RNF141: variants seen among roughly 807,000 people sequenced by gnomAD.
RNF141 encodes ring finger protein 141, also known as C3HC4-like zinc finger protein.
RNF141 carries 18 observed loss-of-function variants against 27.4 expected under a neutral mutation model. The ratio of observed to expected loss-of-function variants is 0.66; its 90% CI spans 0.45 to 0.97. The LOEUF is 0.97. Among genes scored for constraint, RNF141 ranks in the 50% least tolerant of loss-of-function variants. The pLI, the probability that RNF141 is intolerant of heterozygous loss-of-function variation, is 0.00. For synonymous variants in RNF141, 97 were observed against 96.6 expected, an observed-to-expected ratio of 1.00 and a Z score of -0.02; for missense variants, 230 against 279.4, an observed-to-expected ratio of 0.82 and a Z score of 1.26.
intron 5 of RNF141, chr11:10,515,303 C>T (rs1046110248): frequency 4.1e-6 from 2 of 489,774 alleles, no homozygotes; most frequent in African/African-American, 4.0e-5. Context: ...CTTATGTGTA[C>T]ACACATGCAC....
intron 3 of RNF141, among the ~76,000 whole-genome samples, chr11:10,525,748 A>G (rs1323803200): frequency 6.6e-6 from 1 of 152,228 alleles, no homozygotes; most frequent in African/African-American, 2.4e-5. Flanking sequence ...TTTGACTCCA[A>G]CAACCGCATG....
intron 3 of RNF141, among the ~76,000 whole-genome samples, chr11:10,527,911 T>TA (rs1849951945): frequency 6.6e-6 from 1 of 152,152 alleles, no homozygotes; most frequent in Non-Finnish European, 1.5e-5. Flanking sequence ...AGGACTCACT[T>TA]ACAGATTGTC....
In RNF141 at chr11:10,525,236, G is replaced by C. The variant is rs200448268; in HGVS notation, c.390C>G (p.Asn130Lys). The C allele has an allele frequency of 1.8e-5, 29 of 1,612,464 alleles. No homozygotes were observed. Among genetic ancestry groups the C allele is most frequent in the Non-Finnish European group, 2.3e-5 (27 of 1,179,332 alleles). The change falls in exon 4 of 6, where the codon AAC (asparagine) becomes AAG (lysine). Residue 130 changes from asparagine to lysine, a missense_variant. Asn to Lys is a moderately conservative substitution (Grantham distance 94). Coordinates refer to ENST00000265981, the MANE Select transcript of RNF141 (RefSeq NM_016422.4). ...QSSTSEEPDE[N>K]SSSVTSCQAS... is the part of the protein sequence containing the mutation. ...CCTGACAAGATGTTACAGAGGATGAGTTTTCATCAGGTTCTTCAGAGGTGG... is the reference window on the plus strand; with the variant it reads ...CCTGACAAGATGTTACAGAGGATGACTTTTCATCAGGTTCTTCAGAGGTGG...
chr11:10,539,594 T>G (rs1202414076), intron 1 of RNF141, among the ~76,000 whole-genome samples: 2 of 139,348 alleles, frequency 1.4e-5, no homozygotes, highest in Non-Finnish European at 3.1e-5. Context: ...CAAGACAAGT[T>G]AATATAGATA....
At chr11:10,519,603 C>T (rs560412562) in intron 4 of RNF141, among the ~76,000 whole-genome samples, 1 of 141,364 alleles carries the variant, frequency 7.1e-6, no homozygotes, top group Non-Finnish European at 1.6e-5. Flanking sequence ...CTACTACATA[C>T]CTAGGCTATA....
At position 10,512,336 on chromosome 11, in the gene RNF141, C is replaced by A. The variant is rs867690595; in HGVS notation, c.*2580G>T. 6 of 152,614 alleles carry A rather than the reference C, an allele frequency of 3.9e-5. No individual in the cohort carries two copies. Among genetic ancestry groups the A allele is most frequent in the Admixed American group, 3.3e-4 (5 of 15,276 alleles). The allele number at this position is 152,614 out of a possible 1,614,324, so 9.5% of individuals were successfully genotyped here. A position where few individuals can be genotyped will look rare whatever the true frequency, so the allele number is the denominator to read the frequency against. ...ATAATTATCACCCAGTTCAATAGAG[C>A]GAACAAAGAGCTGTGCTCATTTATT... On this transcript the variant is annotated 3_prime_UTR_variant, in exon 6 of 6. Transcript: ENST00000265981.
intron 3 of RNF141, 49 bp downstream of exon 3, chr11:10,530,594 G>C: frequency 9.8e-7 from 1 of 1,021,284 alleles, no homozygotes; most frequent in African/African-American, 1.6e-5. Context: ...TATAGTTCTA[G>C]CCACCAAAAT....
chr11:10,521,794 T>C (rs1242094592), intron 4 of RNF141, among the ~76,000 whole-genome samples: 3 of 152,220 alleles, frequency 2.0e-5, no homozygotes, highest in African/African-American at 7.2e-5. Flanking sequence ...TTTATGTCTG[T>C]GTATATGTAA....
intron 4 of RNF141, among the ~76,000 whole-genome samples, chr11:10,523,434 G>T (rs187857245): frequency 3.5e-4 from 54 of 152,300 alleles, no homozygotes; most frequent in South Asian, 1.0e-3. Context: ...GGGGTTGTGA[G>T]AATTTAATGA....
intron 3 of RNF141, among the ~76,000 whole-genome samples, chr11:10,528,113 G>A (rs75984521): frequency 0.081 from 12,330 of 151,994 alleles, 649 homozygotes; most frequent in Admixed American, 0.14. Flanking sequence ...ATTTTTTATA[G>A]TGGATTAAAT....
At chr11:10,539,324 C>T (rs1850064892) in intron 1 of RNF141, among the ~76,000 whole-genome samples, 1 of 151,966 alleles carries the variant, frequency 6.6e-6, no homozygotes, top group East Asian at 1.9e-4. Flanking sequence ...TGAAAATGCA[C>T]CAAAATGACT....
intron 3 of RNF141, among the ~76,000 whole-genome samples, chr11:10,526,324 G>A (rs1298963646): frequency 6.6e-6 from 1 of 152,100 alleles, no homozygotes; most frequent in Non-Finnish European, 1.5e-5. Flanking sequence ...GTGACTTTAG[G>A]TTCTGGAATG....
chr11:10,536,028 A>G (rs1850031647), intron 1 of RNF141, among the ~76,000 whole-genome samples: 1 of 152,224 alleles, frequency 6.6e-6, no homozygotes, highest in Non-Finnish European at 1.5e-5. Context: ...GCCACTGTGG[A>G]GCATCCAATA....
In RNF141 at chr11:10,534,641, T is replaced by C. The variant is rs1850018376; in HGVS notation, c.-47-436A>G. Among the ~76,000 whole-genome samples the C allele has an allele frequency of 3.9e-5, 6 of 152,102 alleles. No individual in the cohort carries two copies. In the South Asian group the frequency reaches 1.2e-3, roughly 32 times the overall value. ...TGTCAATTACTTCTTACAACAATCCTAAGAGGTAGACAATATTACACCCCT... is the reference window on the plus strand; with the variant it reads ...TGTCAATTACTTCTTACAACAATCCCAAGAGGTAGACAATATTACACCCCT... On this transcript the variant is annotated intron_variant, in intron 1 of 5. Coordinates refer to ENST00000265981, the MANE Select transcript of RNF141 (RefSeq NM_016422.4).
intron 1 of RNF141, among the ~76,000 whole-genome samples, chr11:10,536,308 T>G (rs1850034282): frequency 6.6e-6 from 1 of 151,902 alleles, no homozygotes; most frequent in African/African-American, 2.4e-5. Flanking sequence ...GCACGGTGAC[T>G]TTGAGGTAAT....
chr11:10,523,489 T>C (rs1386690063), intron 4 of RNF141, among the ~76,000 whole-genome samples: 1 of 152,224 alleles, frequency 6.6e-6, no homozygotes, highest in Non-Finnish European at 1.5e-5. Flanking sequence ...ACCCTGTAAG[T>C]AATCAATAAA....
At position 10,532,988 on chromosome 11, in the gene RNF141, G is replaced by T. The variant is rs184201442; in HGVS notation, c.143+1028C>A. ...CAGTTAAAAGGTCCAATCCTTAGCA[G>T]AGGGCCTTGCACATACTATGTGCTT... On this transcript the variant is annotated intron_variant, in intron 2 of 5. Coordinates refer to ENST00000265981, the MANE Select transcript of RNF141 (RefSeq NM_016422.4). Among the ~76,000 whole-genome samples the T allele has an allele frequency of 4.6e-5, 7 of 152,334 alleles. 1 individual carries two copies. The highest frequency in any genetic ancestry group is 1.7e-4 in the African/African-American group (7 of 41,576).
At position 10,515,011 on chromosome 11, in the gene RNF141, C is replaced by G. The variant is rs1849832331; in HGVS notation, c.598G>C (p.Glu200Gln). The G allele has an allele frequency of 6.2e-6, 10 of 1,613,882 alleles. No individual in the cohort carries two copies. The highest frequency in any genetic ancestry group is 1.1e-5 in the South Asian group (1 of 91,042). Residue 200 changes from glutamate (E) to glutamine (Q), a missense_variant, in exon 6 of 6, where the codon GAA becomes CAA. Glu to Gln is a conservative substitution (Grantham distance 29). Coordinates refer to ENST00000265981, the MANE Select transcript of RNF141 (RefSeq NM_016422.4). ...ICRLQMTGAN[E>Q]SWVVSDAPTE... ...GGTGCATCTGATACCACCCAAGATT[C>G]ATTTGCTCCAGTCATCTGTAGGCGA... is the stretch of plus-strand genomic sequence containing the variant.
At chr11:10,518,730 G>A (rs752093434) in intron 5 of RNF141, 19 of 250,898 alleles carry the variant, frequency 7.6e-5, no homozygotes, top group Non-Finnish European at 1.3e-4. Context: ...CAGAATAAAT[G>A]TAGAAATGAG....
Sources: gnomAD v4.1 joint callset for allele counts (sites outside exome capture counted in the v4.1 genomes callset) on GRCh38, gnomAD v4.1.1 for gene constraint, MANE v1.5 for transcripts, NCBI Gene and HGNC (gene_info 2026-07-23, HGNC 2026-07-21) for gene names.